Variants in AP5S1 observed in about 807,000 individuals in gnomAD.
The protein encoded by AP5S1 is adaptor related protein complex 5 subunit sigma 1.
Under a neutral mutation model 13.9 loss-of-function variants are expected in AP5S1, and 13 were observed. The ratio of observed to expected loss-of-function variants is 0.94; its 90% CI spans 0.61 to 1.49. The LOEUF (loss-of-function observed/expected upper bound fraction) is 1.49. Among genes scored for constraint, AP5S1 ranks in the 40% most tolerant of loss-of-function variants. The pLI is 0.00. For missense variants in AP5S1, 292 were observed against 272.3 expected (o/e 1.07, Z -0.51); for synonymous variants, 132 against 121.8 (o/e 1.08, Z -0.55).
In AP5S1 at chr20:3,826,734, CA is replaced by C. The variant is rs1411917965; in HGVS notation, c.*2438del. 1.3e-5 allele frequency: 2 copies of C among 152,288 alleles called. No homozygotes were observed. The highest frequency in any genetic ancestry group is 2.9e-5 in the Non-Finnish European group (2 of 68,108). The allele number at this position is 152,288 out of a possible 1,614,324, so 9.4% of individuals were successfully genotyped here. A position where few individuals can be genotyped will look rare whatever the true frequency, so the allele number is the denominator to read the frequency against. On this transcript the variant is annotated 3_prime_UTR_variant, in exon 3 of 3. Transcript: ENST00000615891. ...CTTGCCCAGCACCCTTCCCACACTT[CA>C]CACTTCTGCCCCAGCCTCTTGGGCT...
At chr20:3,822,051 C>T in intron 1 of AP5S1, 51 bp from the exon 2 acceptor site, 10 of 1,572,640 alleles carry the variant, frequency 6.4e-6, no homozygotes, top group South Asian at 1.2e-5. Context: ...GTGGTCGCCT[C>T]TCCTGCTGGG....
chr20:3,822,108 C>T lies in AP5S1; in HGVS notation c.-10C>T, dbSNP rs752043252. ...GTCTCTGGCTTCCCTGTAGCACCCA[C>T]CCTGGAGCCATGGTCCACGCCTTCC... is the stretch of plus-strand genomic sequence containing the variant. On this transcript the variant is annotated 5_prime_UTR_variant, in exon 2 of 3. Transcript: ENST00000615891. 1.2e-5 allele frequency: 19 copies of T among 1,612,374 alleles called. No homozygotes were observed. The highest frequency in any genetic ancestry group is 1.7e-5 in the Admixed American group (1 of 59,968).
intron 1 of AP5S1, among the ~76,000 whole-genome samples, chr20:3,821,398 A>G (rs773842842): frequency 7.3e-4 from 111 of 151,900 alleles, no homozygotes; most frequent in Non-Finnish European, 1.0e-4. Context: ...TTGAGACAAG[A>G]GTTTCCCTCT....
At position 3,822,141 on chromosome 20, in the gene AP5S1, C is replaced by T. The variant is rs377711775; in HGVS notation, c.24C>T (p.His8=). 8 of 1,614,046 alleles carry T rather than the reference C, an allele frequency of 5.0e-6. No homozygotes were observed. The highest frequency in any genetic ancestry group is 6.8e-6 in the Non-Finnish European group (8 of 1,180,006). The change falls in exon 2 of 3, where the codon CAC becomes CAT. Residue 8 remains histidine, a synonymous_variant. Transcript: ENST00000615891. MVHAFLI[H]TLRAPNTEDT... is the part of the protein sequence containing the mutation. ...CCATGGTCCACGCCTTCCTCATTCA[C>T]ACCTTGAGGGCCCCGAATACTGAGG...
At chr20:3,821,537 A>G (rs1160598760) in intron 1 of AP5S1, among the ~76,000 whole-genome samples, 1 of 151,576 alleles carries the variant, frequency 6.6e-6, no homozygotes, top group Non-Finnish European at 1.5e-5. Flanking sequence ...ATGCCCGGCT[A>G]ATTTATTTTT....
In AP5S1 at chr20:3,820,561, T is replaced by C. The variant is rs2089570268; in HGVS notation, c.-214T>C. The stretch of plus-strand genomic sequence containing the variant: ...CCACGGGCCGCGCAGCCGCCATTGC[T>C]CTCCTGCCACGGAGGGGAGCGCTTG... On this transcript the variant is annotated 5_prime_UTR_variant, in exon 1 of 3. Coordinates refer to ENST00000615891, the MANE Select transcript of AP5S1 (RefSeq NM_018347.3). 1 of 151,978 alleles carries C rather than the reference T, an allele frequency of 6.6e-6. No individual in the cohort carries two copies. The highest frequency in any genetic ancestry group is 6.6e-5 in the Admixed American group (1 of 15,266). The allele number at this position is 151,978 out of a possible 1,614,324, so 9.4% of individuals were successfully genotyped here.
chr20:3,824,132 C>T lies in AP5S1; in HGVS notation c.438C>T (p.Leu146=). 1 of 1,614,054 alleles carries T rather than the reference C, an allele frequency of 6.2e-7. No individual in the cohort carries two copies. Among genetic ancestry groups the T allele is most frequent in the South Asian group, 1.1e-5 (1 of 91,080 alleles). The change falls in exon 3 of 3, where the codon CTC becomes CTT. Residue 146 remains leucine (L), a synonymous_variant. Transcript: ENST00000615891. ...CGCTCCGGCTGCTGACACGCCTCCT[C>T]CTTGACCACCTCCGGCTGCTGGCGC... ...EGTLRLLTRL[L]LDHLRLLAPS... is the part of the protein sequence containing the mutation.
Position 3,824,419 on chromosome 20 carries a change from C to T in AP5S1, c.*122C>T, listed in dbSNP as rs998949186. 2 of 1,017,202 alleles carry T rather than the reference C, an allele frequency of 2.0e-6. No individual in the cohort carries two copies. The highest frequency in any genetic ancestry group is 1.6e-5 in the African/African-American group (1 of 61,854). 63.0% of individuals were successfully genotyped at this position (1,017,202 alleles called of 1,614,324 possible). A position where few individuals can be genotyped will look rare whatever the true frequency, so the allele number is the denominator to read the frequency against. Reference sequence around the variant, plus strand: ...CTGCTATACCAGGACAAGTGGGTGACACAAGCCTGCAGAAAGGGGGCTGGG... The same window carrying T: ...CTGCTATACCAGGACAAGTGGGTGATACAAGCCTGCAGAAAGGGGGCTGGG... On this transcript the variant is annotated 3_prime_UTR_variant, in exon 3 of 3. Transcript: ENST00000615891.
Position 3,827,497 on chromosome 20 carries a change from G to A in AP5S1, c.*3200G>A, listed in dbSNP as rs1260718751. ...AGGTTGGTCTACATCTCCTGACCTT[G>A]TGATCCGCCCGCCGTGGCCTCTCAA... On this transcript the variant is annotated 3_prime_UTR_variant, in exon 3 of 3. Coordinates refer to ENST00000615891, the MANE Select transcript of AP5S1 (RefSeq NM_018347.3). 6.6e-6 allele frequency: 1 copy of A among 152,114 alleles called. No individual in the cohort carries two copies. The highest frequency in any genetic ancestry group is 1.9e-4 in the East Asian group (1 of 5,156). The allele number at this position is 152,114 out of a possible 1,614,324, so 9.4% of individuals were successfully genotyped here. A position where few individuals can be genotyped will look rare whatever the true frequency, so the allele number is the denominator to read the frequency against.
Position 3,823,889 on chromosome 20 carries a change from T to A in AP5S1, c.195T>A (p.Cys65Ter), listed in dbSNP as rs373768834. 1 of 1,600,882 alleles carries A rather than the reference T, an allele frequency of 6.2e-7. No homozygotes were observed. Among genetic ancestry groups the A allele is most frequent in the African/African-American group, 1.3e-5 (1 of 74,876 alleles). ...LAVARQVESM[C>*]RLQQQASGRP... is the part of the protein sequence containing the mutation. ...TCCCCAGGCAGGTAGAGTCAATGTG[T>A]CGGCTGCAGCAGCAGGCATCTGGCC... Residue 65 changes from cysteine (C) to a stop codon, truncating the protein, a stop_gained, in exon 3 of 3, where the codon TGT becomes TGA. Transcript: ENST00000615891. LOFTEE classifies it high-confidence loss of function.
chr20:3,822,953 AC>A (rs1338957340), intron 2 of AP5S1, among the ~76,000 whole-genome samples: 1 of 151,906 alleles, frequency 6.6e-6, no homozygotes, highest in Admixed American at 6.6e-5. Context: ...AGCCTCCTGG[AC>A]CTCCGCATTC....
rs2089624115 is a variant in AP5S1, at chr20:3,826,262, C to G, written c.*1965C>G. On this transcript the variant is annotated 3_prime_UTR_variant, in exon 3 of 3. Coordinates refer to ENST00000615891, the MANE Select transcript of AP5S1 (RefSeq NM_018347.3). ...CCACCTTTTCCATTTTATGGTGCCA[C>G]AAACCACCTTGACCATGAAGACCTA... 1 of 152,214 alleles carries G rather than the reference C, an allele frequency of 6.6e-6. No homozygotes were observed. The highest frequency in any genetic ancestry group is 1.5e-5 in the Non-Finnish European group (1 of 68,048). The allele number at this position is 152,214 out of a possible 1,614,324, so 9.4% of individuals were successfully genotyped here. A position where few individuals can be genotyped will look rare whatever the true frequency, so the allele number is the denominator to read the frequency against.
chr20:3,824,460 G>A lies in AP5S1; in HGVS notation c.*163G>A. Reference sequence around the variant, plus strand: ...GGGGGCTGGGCAGAGGGTGGAGGAGGTCCTGCCTGTCCTCAGGTTAGTGGA... The same window carrying A: ...GGGGGCTGGGCAGAGGGTGGAGGAGATCCTGCCTGTCCTCAGGTTAGTGGA... On this transcript the variant is annotated 3_prime_UTR_variant, in exon 3 of 3. Transcript: ENST00000615891. 1.4e-6 allele frequency: 1 copy of A among 694,570 alleles called. No individual in the cohort carries two copies. The highest frequency in any genetic ancestry group is 2.4e-6 in the Non-Finnish European group (1 of 422,444). The allele number at this position is 694,570 out of a possible 1,614,324, so 43.0% of individuals were successfully genotyped here. A position where few individuals can be genotyped will look rare whatever the true frequency, so the allele number is the denominator to read the frequency against.
At position 3,825,379 on chromosome 20, in the gene AP5S1, GTC is replaced by G. The variant is rs1568524213; in HGVS notation, c.*1084_*1085del. 6.6e-6 allele frequency: 1 copy of G among 152,210 alleles called. No individual in the cohort carries two copies. Among genetic ancestry groups the G allele is most frequent in the Admixed American group, 6.5e-5 (1 of 15,280 alleles). 9.4% of individuals were successfully genotyped at this position (152,210 alleles called of 1,614,324 possible). On this transcript the variant is annotated 3_prime_UTR_variant, in exon 3 of 3. Transcript: ENST00000615891. Reference sequence around the variant, plus strand: ...TCTCTGGATGGCCCCAAAGCTGCGTGTCTGAGCTTTCGTGGTCAAGGATCCCC... The same window carrying G: ...TCTCTGGATGGCCCCAAAGCTGCGTGTGAGCTTTCGTGGTCAAGGATCCCC...
chr20:3,821,369 T>C (rs1417782055), intron 1 of AP5S1, among the ~76,000 whole-genome samples: 1 of 152,182 alleles, frequency 6.6e-6, no homozygotes, highest in African/African-American at 2.4e-5. Flanking sequence ...ATTATCCTTT[T>C]GTTTTTCTTT....
intron 1 of AP5S1, 101 bp from the exon 2 acceptor site, chr20:3,822,001 C>G (rs1193445181): frequency 6.9e-7 from 1 of 1,454,854 alleles, no homozygotes; most frequent in East Asian, 2.5e-5. Flanking sequence ...TCACTGGCCT[C>G]TGGATACACT....
rs777685057 is a variant in AP5S1 at position 3,822,189 on chromosome 20, G to A, written c.72G>A (p.Leu24=). 1 of 1,614,160 alleles carries A rather than the reference G, an allele frequency of 6.2e-7. No homozygotes were observed. Among genetic ancestry groups the A allele is most frequent in the Non-Finnish European group, 8.5e-7 (1 of 1,180,038 alleles). Residue 24 remains leucine (L), a synonymous_variant, in exon 2 of 3, where the codon CTG becomes CTA. Coordinates refer to ENST00000615891, the MANE Select transcript of AP5S1 (RefSeq NM_018347.3). ...AGGACACGGGCCTTTGCCGAGTGCTGTACTCCTGCGTCTTCGGTGCTGAGA... is the reference window on the plus strand; with the variant it reads ...AGGACACGGGCCTTTGCCGAGTGCTATACTCCTGCGTCTTCGGTGCTGAGA... The part of the protein sequence containing the change: ...NTEDTGLCRV[L]YSCVFGAEKS...
rs969545305 is a variant in AP5S1, at chr20:3,826,140, GGA to G, written c.*1845_*1846del. 1.3e-5 allele frequency: 2 copies of G among 152,200 alleles called. No homozygotes were observed. Among genetic ancestry groups the G allele is most frequent in the Non-Finnish European group, 2.9e-5 (2 of 68,034 alleles). 9.4% of individuals were successfully genotyped at this position (152,200 alleles called of 1,614,324 possible). ...GGATGGACCCAACTACACCCACTTT[GGA>G]GGCAGCACTGATGATTAGCCCTTCC... On this transcript the variant is annotated 3_prime_UTR_variant, in exon 3 of 3. Transcript: ENST00000615891.
In AP5S1 at chr20:3,822,095, C is replaced by A. The variant is rs376604038; in HGVS notation, c.-16-7C>A. ...TCACCTTACCAATGTCTCTGGCTTC[C>A]CTGTAGCACCCACCCTGGAGCCATG... On this transcript the variant is annotated splice_region_variant and splice_polypyrimidine_tract_variant and intron_variant, in intron 1 of 2. Coordinates refer to ENST00000615891, the MANE Select transcript of AP5S1 (RefSeq NM_018347.3). The A allele has an allele frequency of 3.2e-5, 51 of 1,608,508 alleles. No homozygotes were observed. Among genetic ancestry groups the A allele is most frequent in the South Asian group, 5.5e-5 (5 of 90,900 alleles).
Sources: gnomAD v4.1 joint callset for allele counts (sites outside exome capture counted in the v4.1 genomes callset) on GRCh38, gnomAD v4.1.1 for gene constraint, MANE v1.5 for transcripts, NCBI Gene and HGNC (gene_info 2026-07-23, HGNC 2026-07-21) for gene names.